Variants in BCKDHB observed in about 807,000 individuals in gnomAD.
BCKDHB encodes the protein 2-oxoisovalerate dehydrogenase subunit beta, mitochondrial.
A neutral mutation model predicts 48.5 loss-of-function variants in BCKDHB; 41 were observed. The observed-to-expected ratio is 0.85, with a 90% CI of 0.66 to 1.10. BCKDHB has a LOEUF of 1.10. Ranked by LOEUF, BCKDHB falls within the 50% of genes least tolerant of loss-of-function variation. The pLI is 0.00. For synonymous variants in BCKDHB, 201 were observed against 174.8 expected (o/e 1.15, Z -1.18); for missense variants, 496 against 494.2 (o/e 1.00, Z -0.03).
At chr6:80,335,978 T>C (rs1265886738) in intron 9 of BCKDHB, among the ~76,000 whole-genome samples, 4 of 152,088 alleles carry the variant, frequency 2.6e-5, no homozygotes, top group Non-Finnish European at 4.4e-5. Context: ...AAGCACAGTG[T>C]ACTTTTTTAA....
chr6:80,422,072 A>G, the BCKDHB span, among the ~76,000 whole-genome samples: 2 of 152,252 alleles, frequency 1.3e-5, no homozygotes, highest in Non-Finnish European at 2.9e-5. Flanking sequence ...CAGGTCTAGA[A>G]GTCTAGGAGG....
At chr6:80,375,979 G>A in the BCKDHB span, among the ~76,000 whole-genome samples, 2 of 152,180 alleles carry the variant, frequency 1.3e-5, no homozygotes, top group African/African-American at 2.4e-5. Context: ...TGCAACAGCT[G>A]TGGTAATGTA....
chr6:80,182,195 A>G (rs1400293547), intron 6 of BCKDHB, among the ~76,000 whole-genome samples: 2 of 152,154 alleles, frequency 1.3e-5, no homozygotes, highest in African/African-American at 2.4e-5. Context: ...CAATTATTCT[A>G]TTTTGTGATG....
chr6:80,117,271 A>G (rs1481411792), intron 1 of BCKDHB, among the ~76,000 whole-genome samples: 1 of 152,242 alleles, frequency 6.6e-6, no homozygotes, highest in Non-Finnish European at 1.5e-5. Context: ...ATTTTATACA[A>G]GACGAATAGA....
chr6:80,158,038 A>G (rs1772135967), intron 3 of BCKDHB, among the ~76,000 whole-genome samples: 1 of 152,166 alleles, frequency 6.6e-6, no homozygotes, highest in Admixed American at 6.5e-5. Context: ...AAGACTGGTA[A>G]ATTCAAGAGG....
At chr6:80,154,790 T>C (rs1199799957) in intron 3 of BCKDHB, among the ~76,000 whole-genome samples, 1 of 152,140 alleles carries the variant, frequency 6.6e-6, no homozygotes, top group East Asian at 1.9e-4. Context: ...AAGATTGATA[T>C]AGTAAGTTTG....
At chr6:80,399,215 A>T in the BCKDHB span, among the ~76,000 whole-genome samples, 1 of 152,136 alleles carries the variant, frequency 6.6e-6, no homozygotes, top group African/African-American at 2.4e-5. Context: ...GCTTTCTTTC[A>T]CTACTATTAT....
At chr6:80,276,029 A>G (rs186225297) in intron 9 of BCKDHB, among the ~76,000 whole-genome samples, 3 of 152,146 alleles carry the variant, frequency 2.0e-5, no homozygotes, top group Admixed American at 6.5e-5. Flanking sequence ...ATGTACACGG[A>G]CAACTCTTTC....
chr6:80,182,691 C>T (rs142672826), intron 6 of BCKDHB, among the ~76,000 whole-genome samples: 25 of 152,170 alleles, frequency 1.6e-4, no homozygotes, highest in Non-Finnish European at 2.8e-4. Flanking sequence ...ACATTTACTT[C>T]CATGTAAACA....
chr6:80,111,448 G>A (rs1030407311), intron 1 of BCKDHB, among the ~76,000 whole-genome samples: 2 of 152,150 alleles, frequency 1.3e-5, no homozygotes, highest in African/African-American at 2.4e-5. Flanking sequence ...TGATGCTCTC[G>A]CATTTTTGGC....
intron 8 of BCKDHB, among the ~76,000 whole-genome samples, chr6:80,262,360 A>G (rs1372323301): frequency 1.3e-5 from 2 of 152,174 alleles, no homozygotes; most frequent in Admixed American, 6.6e-5. Context: ...GACCGTGGTA[A>G]CACACAAACA....
chr6:80,167,016 A>G (rs955224189), intron 3 of BCKDHB, among the ~76,000 whole-genome samples: 2 of 151,850 alleles, frequency 1.3e-5, no homozygotes, highest in African/African-American at 4.8e-5. Flanking sequence ...GATTTTGTCC[A>G]TTTGTCCTTT....
chr6:80,199,161 G>T (rs1774266461), intron 6 of BCKDHB, among the ~76,000 whole-genome samples: 1 of 152,062 alleles, frequency 6.6e-6, no homozygotes, highest in African/African-American at 2.4e-5. Context: ...GAAGAATGTG[G>T]AACTCACTTC....
intron 9 of BCKDHB, among the ~76,000 whole-genome samples, chr6:80,333,661 G>A (rs1769431871): frequency 6.6e-6 from 1 of 152,036 alleles, no homozygotes; most frequent in Non-Finnish European, 1.5e-5. Context: ...ATTCCTAATT[G>A]AGGGACATGA....
chr6:80,343,874 A>G lies in BCKDHB; in HGVS notation c.*70A>G, dbSNP rs1435008998. On this transcript the variant is annotated 3_prime_UTR_variant, in exon 10 of 10. Transcript: ENST00000320393. ...TGACATTAACGTACTGTTAACCAAGACACAGCAATCATCAGTGTTTTGATG... is the reference window on the plus strand; with the variant it reads ...TGACATTAACGTACTGTTAACCAAGGCACAGCAATCATCAGTGTTTTGATG... The G allele has an allele frequency of 6.4e-7, 1 of 1,560,480 alleles. No individual in the cohort carries two copies. The highest frequency in any genetic ancestry group is 2.2e-5 in the East Asian group (1 of 44,534).
intron 9 of BCKDHB, among the ~76,000 whole-genome samples, chr6:80,274,376 A>T (rs1418602270): frequency 6.6e-6 from 1 of 152,034 alleles, no homozygotes; most frequent in African/African-American, 2.4e-5. Context: ...TAGTTACTAT[A>T]TCAATTAAAA....
chr6:80,276,697 T>C (rs984126035), intron 9 of BCKDHB, among the ~76,000 whole-genome samples: 5 of 151,880 alleles, frequency 3.3e-5, no homozygotes, highest in Middle Eastern at 3.2e-3. Context: ...TTTATAAGCC[T>C]ATTTATTTTA....
chr6:80,155,859 G>GTTTTTT (rs1562093813), intron 3 of BCKDHB, among the ~76,000 whole-genome samples: 1 of 132,486 alleles, frequency 7.5e-6, no homozygotes, highest in African/African-American at 2.8e-5. Flanking sequence ...TTTTTTTTAG[G>GTTTTTT]TTTTCTTTTT....
chr6:80,253,338 A>C (rs1458533991), intron 8 of BCKDHB, among the ~76,000 whole-genome samples: 1 of 152,214 alleles, frequency 6.6e-6, no homozygotes. Flanking sequence ...GAAACAGCAG[A>C]TCTAGAGAGG....
Sources: gnomAD v4.1 joint callset for allele counts (sites outside exome capture counted in the v4.1 genomes callset) on GRCh38, gnomAD v4.1.1 for gene constraint, MANE v1.5 for transcripts, NCBI Gene and HGNC (gene_info 2026-07-23, HGNC 2026-07-21) for gene names.